SOX5: variants seen among roughly 807,000 people sequenced by gnomAD.
The protein encoded by SOX5 is SRY-box transcription factor 5, also known as transcription factor SOX-5.
SOX5 carries 9 observed loss-of-function variants against 92.0 expected under a neutral mutation model. The ratio of observed to expected loss-of-function variants is 0.10; its 90% CI spans 0.06 to 0.17. SOX5 has a LOEUF of 0.17. SOX5 is among the 10% of genes least tolerant of loss of function. The pLI, the probability that SOX5 is intolerant of heterozygous loss-of-function variation, is 1.00. For missense variants in SOX5, 642 were observed against 944.5 expected (o/e 0.68, Z 4.20); for synonymous variants, 344 against 336.3 (o/e 1.02, Z -0.25).
chr12:23,981,862 A>G (rs770491686), intron 4 of SOX5, among the ~76,000 whole-genome samples: 3 of 152,186 alleles, frequency 2.0e-5, no homozygotes, highest in Non-Finnish European at 2.9e-5. Flanking sequence ...AGTAGCCTCA[A>G]TGATCACCAG....
intron 4 of SOX5, among the ~76,000 whole-genome samples, chr12:24,095,493 G>A (rs1000282750): frequency 6.6e-6 from 1 of 150,836 alleles, no homozygotes; most frequent in Non-Finnish European, 1.5e-5. Context: ...ACACAGTCTG[G>A]GTTTTAGTTT....
At chr12:23,771,752 C>T (rs1218184893) in intron 3 of SOX5, among the ~76,000 whole-genome samples, 2 of 152,120 alleles carry the variant, frequency 1.3e-5, no homozygotes, top group African/African-American at 4.8e-5. Context: ...ATATAGACAC[C>T]TTTCTCTGTC....
chr12:23,906,847 G>C (rs893937316), intron 1 of SOX5, among the ~76,000 whole-genome samples: 1 of 151,636 alleles, frequency 6.6e-6, no homozygotes, highest in African/African-American at 2.4e-5. Context: ...AGGAAATAAA[G>C]ACAGTATTAA....
chr12:23,972,824 G>A (rs952315088), intron 4 of SOX5, among the ~76,000 whole-genome samples: 2 of 151,966 alleles, frequency 1.3e-5, no homozygotes, highest in Admixed American at 6.6e-5. Context: ...TGGTGAGAAC[G>A]TTAAAAATCT....
intron 4 of SOX5, among the ~76,000 whole-genome samples, chr12:23,987,536 C>T (rs1205912407): frequency 2.0e-5 from 3 of 152,154 alleles, no homozygotes; most frequent in African/African-American, 7.2e-5. Context: ...TTCACCCCTA[C>T]AATCCTAGCA....
At chr12:23,943,078 G>C (rs1232273948) in intron 1 of SOX5, among the ~76,000 whole-genome samples, 1 of 151,924 alleles carries the variant, frequency 6.6e-6, no homozygotes. Flanking sequence ...TGTCCCTGAA[G>C]TACGAGAAAT....
intron 6 of SOX5, among the ~76,000 whole-genome samples, chr12:23,713,242 G>C (rs894688115): frequency 6.6e-6 from 1 of 152,200 alleles, no homozygotes; most frequent in Non-Finnish European, 1.5e-5. Context: ...CCAGAAGCTA[G>C]GGAGAGGCAT....
chr12:23,889,707 A>T (rs1394607102), intron 2 of SOX5, among the ~76,000 whole-genome samples: 1 of 152,208 alleles, frequency 6.6e-6, no homozygotes, highest in Admixed American at 6.5e-5. Flanking sequence ...CAACTTTAAA[A>T]GACAGTTTTT....
chr12:24,006,082 T>C (rs746840992), intron 4 of SOX5, among the ~76,000 whole-genome samples: 7 of 152,202 alleles, frequency 4.6e-5, no homozygotes, highest in Non-Finnish European at 7.3e-5. Context: ...CAAAGGCTTT[T>C]GTAATAATCT....
At chr12:24,456,778 T>C (rs959139601) in intron 1 of SOX5, among the ~76,000 whole-genome samples, 1 of 152,198 alleles carries the variant, frequency 6.6e-6, no homozygotes, top group Non-Finnish European at 1.5e-5. Flanking sequence ...TGAGTCTCAC[T>C]AATTAAAGAC....
At position 23,970,846 on chromosome 12, in the gene SOX5, T is replaced by A. The variant is rs1422836268; in HGVS notation, c.-1-74822A>T. 7.0e-3 allele frequency among the ~76,000 whole-genome samples: 56 copies of A among 8,042 alleles called. 14 individuals are homozygous for A. Among genetic ancestry groups the A allele is most frequent in the African/African-American group, 9.6e-3 (56 of 5,852 alleles). 5.3% of individuals were successfully genotyped at this position (8,042 alleles called of 152,430 possible). On this transcript the variant is annotated intron_variant, in intron 4 of 4. Coordinates refer to the SOX5 transcript ENST00000446891. ...GGACTTTATATATATATATAATTTT[T>A]TTTTTTTTTTAAGAAATGGGCTTGA...
chr12:23,685,862 TAGG>T (rs1336115432), intron 6 of SOX5, among the ~76,000 whole-genome samples: 1 of 152,162 alleles, frequency 6.6e-6, no homozygotes. Flanking sequence ...GTTGATAAAG[TAGG>T]AGATATTGTG....
chr12:23,767,830 T>C (rs1021468820), intron 3 of SOX5, among the ~76,000 whole-genome samples: 6 of 151,532 alleles, frequency 4.0e-5, no homozygotes, highest in Non-Finnish European at 7.4e-5. Flanking sequence ...CTCATATATA[T>C]ATATATATAT....
At chr12:24,119,201 G>A (rs1161446327) in intron 4 of SOX5, among the ~76,000 whole-genome samples, 2 of 151,958 alleles carry the variant, frequency 1.3e-5, no homozygotes, top group African/African-American at 4.8e-5. Context: ...TACAGTTTGG[G>A]GAAACTTCCT....
At chr12:23,883,945 A>G (rs1159482480) in intron 2 of SOX5, among the ~76,000 whole-genome samples, 6 of 152,252 alleles carry the variant, frequency 3.9e-5, no homozygotes, top group African/African-American at 1.4e-4. Context: ...TGAGACTTCT[A>G]CAGTGTTTGA....
At chr12:24,234,394 G>A (rs980642394) in intron 3 of SOX5, among the ~76,000 whole-genome samples, 1 of 151,986 alleles carries the variant, frequency 6.6e-6, no homozygotes, top group African/African-American at 2.4e-5. Context: ...AAAGAGAGAG[G>A]GCTAAAGATA....
At chr12:24,018,731 A>T (rs1165811310) in intron 4 of SOX5, among the ~76,000 whole-genome samples, 1 of 152,142 alleles carries the variant, frequency 6.6e-6, no homozygotes, top group African/African-American at 2.4e-5. Context: ...TGGGAGGCGG[A>T]GGTTGCAGTG....
At chr12:23,623,044 T>A (rs1342958566) in intron 8 of SOX5, among the ~76,000 whole-genome samples, 1 of 152,152 alleles carries the variant, frequency 6.6e-6, no homozygotes, top group Non-Finnish European at 1.5e-5. Flanking sequence ...TGGTGAAACT[T>A]TTAAACCATA....
At chr12:23,622,472 T>C (rs2077298522) in intron 8 of SOX5, among the ~76,000 whole-genome samples, 1 of 152,132 alleles carries the variant, frequency 6.6e-6, no homozygotes, top group South Asian at 2.1e-4. Flanking sequence ...GGTTGGTTGA[T>C]ATCAGTATGT....
Sources: gnomAD v4.1 joint callset for allele counts (sites outside exome capture counted in the v4.1 genomes callset) on GRCh38, gnomAD v4.1.1 for gene constraint, MANE v1.5 for transcripts, NCBI Gene and HGNC (gene_info 2026-07-23, HGNC 2026-07-21) for gene names.